Variants in IRAK2 observed in about 807,000 individuals in gnomAD.
IRAK2 encodes the protein interleukin-1 receptor-associated kinase-like 2.
IRAK2 carries 57 observed loss-of-function variants against 72.0 expected under a neutral mutation model. The observed-to-expected ratio is 0.79, with a 90% confidence interval of 0.64 to 0.99. IRAK2 has a LOEUF of 0.99. Among genes scored for constraint, IRAK2 ranks in the 50% least tolerant of loss-of-function variants. The pLI, the probability that IRAK2 is intolerant of heterozygous loss-of-function variation, is 0.00. For missense variants in IRAK2, 790 were observed against 794.4 expected, an observed-to-expected ratio of 0.99 and a Z score of 0.07; for synonymous variants, 293 against 312.7, an observed-to-expected ratio of 0.94 and a Z score of 0.67.
Position 10,242,204 on chromosome 3 carries a change from C to T in IRAK2, c.1854C>T (p.Asp618=), listed in dbSNP as rs574250474. ...NILLYKEEKV[D]SIELFGP ...TGCTCTACAAAGAGGAAAAAGTGGA[C>T]AGCATTGAGCTCTTTGGCCCCTGAT... The change falls in exon 13 of 13, where the codon GAC becomes GAT. Residue 618 remains aspartate, a synonymous_variant. Transcript: ENST00000256458. The T allele has an allele frequency of 6.8e-6, 11 of 1,611,712 alleles. No individual in the cohort carries two copies. Among genetic ancestry groups the T allele is most frequent in the African/African-American group, 4.0e-5 (3 of 74,944 alleles).
chr3:10,191,165 G>T (rs1697169405), intron 2 of IRAK2, among the ~76,000 whole-genome samples: 1 of 151,996 alleles, frequency 6.6e-6, no homozygotes, highest in African/African-American at 2.4e-5. Context: ...CGTGGTGGCG[G>T]GTGCCTGTAG....
intron 11 of IRAK2, among the ~76,000 whole-genome samples, chr3:10,235,461 C>A (rs2125164950): frequency 1.3e-5 from 2 of 152,216 alleles, no homozygotes; most frequent in Middle Eastern, 3.4e-3. Flanking sequence ...CTCTGTCCGG[C>A]CTTGCTTGGT....
At chr3:10,167,518 C>A (rs1456583427) in intron 1 of IRAK2, among the ~76,000 whole-genome samples, 1 of 151,942 alleles carries the variant, frequency 6.6e-6, no homozygotes, top group African/African-American at 2.4e-5. Flanking sequence ...GGGTTCATGC[C>A]ATTCTCCTGC....
chr3:10,234,146 G>C (rs1004318625), intron 10 of IRAK2, among the ~76,000 whole-genome samples: 2 of 152,132 alleles, frequency 1.3e-5, no homozygotes, highest in Non-Finnish European at 2.9e-5. Flanking sequence ...ACAGGCTTGA[G>C]CCACTGCGCC....
chr3:10,220,270 G>GCC (rs1697667565), intron 8 of IRAK2, among the ~76,000 whole-genome samples: 1 of 152,192 alleles, frequency 6.6e-6, no homozygotes, highest in Non-Finnish European at 1.5e-5. Flanking sequence ...GCATGTCAGT[G>GCC]CCATGCACAT....
At chr3:10,166,363 G>A (rs1575946786) in intron 1 of IRAK2, among the ~76,000 whole-genome samples, 1 of 152,198 alleles carries the variant, frequency 6.6e-6, no homozygotes, top group East Asian at 1.9e-4. Context: ...TGTTTTGTTT[G>A]TTGGTGCCTG....
chr3:10,176,080 T>G (rs1696871026), intron 1 of IRAK2, among the ~76,000 whole-genome samples: 1 of 149,118 alleles, frequency 6.7e-6, no homozygotes, highest in African/African-American at 2.4e-5. Flanking sequence ...TTTTTTTTTT[T>G]TTTTTTTTTG....
chr3:10,195,548 C>CA (rs553829037), intron 2 of IRAK2, among the ~76,000 whole-genome samples: 5,009 of 125,626 alleles, frequency 0.04, 287 homozygotes, highest in African/African-American at 0.13. Context: ...CACCCTGTCT[C>CA]AAAAAAAAAA....
intron 1 of IRAK2, among the ~76,000 whole-genome samples, chr3:10,165,360 CCAGCCCACAA>C (rs1696665447): frequency 6.6e-6 from 1 of 152,164 alleles, no homozygotes; most frequent in African/African-American, 2.4e-5. Context: ...GGCCTCTCAT[CCAGCCCACAA>C]CAGCCTGCAA....
intron 2 of IRAK2, among the ~76,000 whole-genome samples, chr3:10,195,706 G>A (rs927218419): frequency 1.3e-5 from 2 of 152,216 alleles, no homozygotes; most frequent in African/African-American, 4.8e-5. Context: ...GGTTCTGGGT[G>A]TAGGTGAGAC....
intron 10 of IRAK2, among the ~76,000 whole-genome samples, chr3:10,231,943 G>C (rs1697868202): frequency 6.6e-6 from 1 of 152,144 alleles, no homozygotes; most frequent in Non-Finnish European, 1.5e-5. Context: ...TGGCTAACAT[G>C]GTGAAACCCC....
intron 6 of IRAK2, among the ~76,000 whole-genome samples, chr3:10,215,416 T>TAAAAAAA (rs1559449326): frequency 1.5e-5 from 2 of 134,182 alleles, no homozygotes; most frequent in Non-Finnish European, 3.2e-5. Context: ...AAAAAAAAAT[T>TAAAAAAA]AATTAATTAA....
At chr3:10,195,787 C>T (rs1341463680) in intron 2 of IRAK2, among the ~76,000 whole-genome samples, 2 of 152,086 alleles carry the variant, frequency 1.3e-5, no homozygotes, top group Admixed American at 6.5e-5. Context: ...GTGACTTCAG[C>T]GAGCCCAGCC....
At chr3:10,173,201 C>T (rs1393584257) in intron 1 of IRAK2, among the ~76,000 whole-genome samples, 1 of 152,092 alleles carries the variant, frequency 6.6e-6, no homozygotes, top group Non-Finnish European at 1.5e-5. Context: ...CCCAAAAACA[C>T]AGCAAGTAAG....
At chr3:10,193,823 A>G (rs1283986815) in intron 2 of IRAK2, among the ~76,000 whole-genome samples, 1 of 152,216 alleles carries the variant, frequency 6.6e-6, no homozygotes, top group Non-Finnish European at 1.5e-5. Flanking sequence ...GCGTGGGCAC[A>G]GGCCCCCACC....
chr3:10,232,052 A>G (rs778039), intron 10 of IRAK2, among the ~76,000 whole-genome samples: 107,149 of 151,976 alleles, frequency 0.71, 38,325 homozygotes, highest in East Asian at 0.99. Flanking sequence ...GCATGAACCC[A>G]GGAGGCGGAG....
chr3:10,167,697 G>A (rs1696719523), intron 1 of IRAK2, among the ~76,000 whole-genome samples: 1 of 152,216 alleles, frequency 6.6e-6, no homozygotes, highest in South Asian at 2.1e-4. Flanking sequence ...TTACAGGCGT[G>A]AGCCACCGCG....
intron 4 of IRAK2, among the ~76,000 whole-genome samples, chr3:10,212,078 T>TC (rs1399439072): frequency 4.3e-5 from 4 of 92,662 alleles, no homozygotes; most frequent in Non-Finnish European, 9.8e-5. Context: ...AGACTCTGTC[T>TC]CAAAAAAAAA....
chr3:10,211,481 G>C (rs528883605), intron 4 of IRAK2, among the ~76,000 whole-genome samples: 1 of 151,578 alleles, frequency 6.6e-6, no homozygotes, highest in African/African-American at 2.4e-5. Flanking sequence ...AGCCAGGCGT[G>C]GTGGCACACA....
Sources: gnomAD v4.1 joint callset for allele counts (sites outside exome capture counted in the v4.1 genomes callset) on GRCh38, gnomAD v4.1.1 for gene constraint, MANE v1.5 for transcripts, NCBI Gene and HGNC (gene_info 2026-07-23, HGNC 2026-07-21) for gene names.